The following ANK2 variants were observed in gnomAD, a reference collection of about 807,000 sequenced individuals.
ANK2 encodes the protein ankyrin 2.
In ANK2, 83 loss-of-function variants were observed where a neutral mutation model predicts 360.5. The observed-to-expected ratio is 0.23, with a 90% CI of 0.19 to 0.28. ANK2 has a LOEUF of 0.28. ANK2 is among the 10% of genes least tolerant of loss of function. The pLI, the probability that ANK2 is intolerant of heterozygous loss-of-function variation, is 1.00. For missense variants in ANK2, 4,201 were observed against 4,795.7 expected (o/e 0.88, Z 3.66); for synonymous variants, 1,740 against 1,759.5 (o/e 0.99, Z 0.28).
chr4:113,307,668 G>T (rs1471264547), intron 23 of ANK2, among the ~76,000 whole-genome samples: 2 of 152,128 alleles, frequency 1.3e-5, no homozygotes, highest in African/African-American at 4.8e-5. Flanking sequence ...CTGCCAAAGT[G>T]CTGGGATTAC....
intron 9 of ANK2, among the ~76,000 whole-genome samples, chr4:113,249,077 TATAGC>T (rs2044606158): frequency 6.6e-6 from 1 of 152,216 alleles, no homozygotes; most frequent in Non-Finnish European, 1.5e-5. Context: ...TTATAAGTAA[TATAGC>T]ATACAGTTCT....
Position 113,293,432 on chromosome 4 carries a change from C to G in ANK2, c.2377-8C>G, listed in dbSNP as rs139893914. On this transcript the variant is annotated splice_region_variant and splice_polypyrimidine_tract_variant and intron_variant, in intron 21 of 45. Coordinates refer to ENST00000357077, the MANE Select transcript of ANK2 (RefSeq NM_001148.6). ...TTTCTCACTCTCTCTCTTTCACTCT[C>G]TCTTCAGAATGGCAACACTGCCTTG... 5 of 1,611,070 alleles carry G rather than the reference C, an allele frequency of 3.1e-6. No homozygotes were observed. In the East Asian group the frequency reaches 6.7e-5, roughly 22 times the overall value.
the ANK2 span, among the ~76,000 whole-genome samples, chr4:112,786,867 G>A: frequency 6.7e-6 from 1 of 149,926 alleles, no homozygotes; most frequent in Admixed American, 6.8e-5. Flanking sequence ...TCATGTCTCA[G>A]CCTCCCGAGT....
At chr4:113,054,645 TCA>T (rs1216883487) in intron 1 of ANK2, among the ~76,000 whole-genome samples, 2 of 152,314 alleles carry the variant, frequency 1.3e-5, no homozygotes, top group East Asian at 3.9e-4. Flanking sequence ...CCCTATTTCT[TCA>T]GTCTTTCAAA....
At chr4:112,810,214 C>T in the ANK2 span, among the ~76,000 whole-genome samples, 3 of 135,280 alleles carry the variant, frequency 2.2e-5, no homozygotes, top group East Asian at 2.2e-4. Context: ...GTTGGCCAGG[C>T]TGATCTCGAA....
intron 21 of ANK2, 146 bp from the exon 22 acceptor site, chr4:113,293,294 G>A (rs765921458): frequency 2.5e-5 from 19 of 749,390 alleles, no homozygotes; most frequent in Admixed American, 6.0e-5. Context: ...AGATTTAGAC[G>A]TAATGGTAAA....
intron 2 of ANK2, among the ~76,000 whole-genome samples, chr4:112,942,531 T>C (rs2094302630): frequency 6.6e-6 from 1 of 152,070 alleles, no homozygotes; most frequent in African/African-American, 2.4e-5. Flanking sequence ...ACCCAGGTAG[T>C]CTTACTAAAG....
chr4:113,053,003 G>T (rs2067831611), intron 1 of ANK2, among the ~76,000 whole-genome samples: 1 of 152,176 alleles, frequency 6.6e-6, no homozygotes, highest in Non-Finnish European at 1.5e-5. Flanking sequence ...ATCTCATTTG[G>T]CAAGAGAGGG....
At chr4:113,026,823 A>G (rs2059381345) in intron 2 of ANK2, among the ~76,000 whole-genome samples, 1 of 152,144 alleles carries the variant, frequency 6.6e-6, no homozygotes, top group South Asian at 2.1e-4. Context: ...ATAAAAAATG[A>G]TTAGTATAGG....
chr4:112,874,495 A>C (rs1016414224), intron 1 of ANK2, among the ~76,000 whole-genome samples: 4 of 151,370 alleles, frequency 2.6e-5, no homozygotes, highest in Non-Finnish European at 5.9e-5. Flanking sequence ...ACAAAAAATT[A>C]GCTGGGTGTG....
At chr4:112,913,873 T>G (rs1308577700) in intron 2 of ANK2, among the ~76,000 whole-genome samples, 1 of 152,188 alleles carries the variant, frequency 6.6e-6, no homozygotes, top group Non-Finnish European at 1.5e-5. Flanking sequence ...TTTGAAATAT[T>G]TTTTCTCTAT....
chr4:112,729,257 C>T, the ANK2 span, among the ~76,000 whole-genome samples: 1 of 151,592 alleles, frequency 6.6e-6, no homozygotes, highest in African/African-American at 2.4e-5. Context: ...TAAATTAGTA[C>T]AGTCATTATG....
chr4:113,373,501 A>G (rs2154075558), intron 45 of ANK2, 52 bp downstream of exon 45: 1 of 1,567,862 alleles, frequency 6.4e-7, no homozygotes, highest in Non-Finnish European at 8.8e-7. Context: ...AACAAAATAG[A>G]GCTCAAGAAA....
intron 2 of ANK2, among the ~76,000 whole-genome samples, chr4:113,018,110 G>A (rs1038646229): frequency 6.6e-6 from 1 of 152,226 alleles, no homozygotes; most frequent in Admixed American, 6.5e-5. Flanking sequence ...GATTTTTAAA[G>A]AGCTTTAGTC....
intron 1 of ANK2, among the ~76,000 whole-genome samples, chr4:112,840,673 C>T (rs899542803): frequency 1.3e-5 from 2 of 152,196 alleles, no homozygotes; most frequent in Non-Finnish European, 2.9e-5. Flanking sequence ...AACACATATA[C>T]AATGTCTTAT....
intron 45 of ANK2, among the ~76,000 whole-genome samples, chr4:113,376,907 A>G (rs2096963280): frequency 6.7e-6 from 1 of 149,048 alleles, no homozygotes; most frequent in African/African-American, 2.5e-5. Flanking sequence ...CCTCCTCCAC[A>G]TATTGTCCCA....
the ANK2 span, among the ~76,000 whole-genome samples, chr4:112,754,250 G>A: frequency 1.3e-5 from 2 of 150,650 alleles, no homozygotes; most frequent in African/African-American, 4.9e-5. Context: ...ACTGTGGCAT[G>A]TCCTCTGCCT....
the ANK2 span, among the ~76,000 whole-genome samples, chr4:112,749,798 T>G: frequency 2.0e-5 from 3 of 152,030 alleles, no homozygotes; most frequent in Non-Finnish European, 4.4e-5. Context: ...CAGGCTGGAG[T>G]GCAGTGGCGC....
chr4:112,921,052 C>CTTTTTTTT (rs1197480851), intron 2 of ANK2, among the ~76,000 whole-genome samples: 2 of 135,150 alleles, frequency 1.5e-5, no homozygotes, highest in Non-Finnish European at 1.6e-5. Flanking sequence ...TTCTTTTTCT[C>CTTTTTTTT]TTTTTTTTTT....
Sources: allele counts gnomAD v4.1 joint callset (sites outside exome capture counted in the v4.1 genomes callset), GRCh38; gene constraint gnomAD v4.1.1; transcripts MANE v1.5; gene names NCBI Gene and HGNC (gene_info 2026-07-23, HGNC 2026-07-21).